The following PIKFYVE variants were observed in gnomAD, a reference collection of about 807,000 sequenced individuals.
PIKFYVE encodes the protein phosphoinositide kinase, FYVE-type zinc finger containing.
A neutral mutation model predicts 257.9 loss-of-function variants in PIKFYVE; 122 were observed. That is an observed-to-expected ratio of 0.47 (90% CI 0.41 to 0.55). The LOEUF (loss-of-function observed/expected upper bound fraction) is 0.55. PIKFYVE is among the 20% of genes least tolerant of loss of function. PIKFYVE has a pLI of 0.00. For synonymous variants in PIKFYVE, 892 were observed against 868.9 expected (o/e 1.03, Z -0.47); for missense variants, 2,160 against 2,536.6 (o/e 0.85, Z 3.19).
rs1559373796 is a variant in PIKFYVE, at chr2:208,266,390, C to G, written c.-35C>G. The stretch of plus-strand genomic sequence containing the variant: ...AGCGGAGGCTGGGGCGGGGGGCAGC[C>G]GGCGCGGCCGGGGCAGGAGGCGCAG... On this transcript the variant is annotated 5_prime_UTR_variant, in exon 1 of 42. Coordinates refer to ENST00000264380, the MANE Select transcript of PIKFYVE (RefSeq NM_015040.4). 6.6e-6 allele frequency: 1 copy of G among 152,272 alleles called. No individual in the cohort carries two copies. Among genetic ancestry groups the G allele is most frequent in the East Asian group, 1.9e-4 (1 of 5,206 alleles). 9.4% of individuals were successfully genotyped at this position (152,272 alleles called of 1,614,324 possible).
chr2:208,321,798 T>G (rs1696276023), intron 17 of PIKFYVE, among the ~76,000 whole-genome samples: 1 of 152,146 alleles, frequency 6.6e-6, no homozygotes, highest in Non-Finnish European at 1.5e-5. Context: ...CAGGCTGGTC[T>G]TGAGCTCCAG....
chr2:208,331,084 T>G (rs771114522), intron 23 of PIKFYVE, among the ~76,000 whole-genome samples: 24 of 152,158 alleles, frequency 1.6e-4, no homozygotes, highest in Non-Finnish European at 2.8e-4. Context: ...GAGACAGACT[T>G]GTAAAGCAAT....
At chr2:208,295,273 A>G (rs558269205) in intron 7 of PIKFYVE, among the ~76,000 whole-genome samples, 15 of 152,192 alleles carry the variant, frequency 9.9e-5, no homozygotes, top group African/African-American at 2.7e-4. Context: ...AGAAAGTTCT[A>G]TTTTTTACTT....
At chr2:208,335,217 A>G in intron 24 of PIKFYVE, 89 bp from the exon 25 acceptor site, 1 of 881,392 alleles carries the variant, frequency 1.1e-6, no homozygotes, top group Non-Finnish European at 1.9e-6. Context: ...CTTATGCCTC[A>G]TAGAATATAG....
intron 3 of PIKFYVE, among the ~76,000 whole-genome samples, chr2:208,275,333 C>T (rs547574598): frequency 1.2e-4 from 18 of 152,332 alleles, no homozygotes; most frequent in Middle Eastern, 3.4e-3. Flanking sequence ...CCTTTTTCAG[C>T]GGATGATGCT....
At position 208,288,765 on chromosome 2, in the gene PIKFYVE, A is replaced by G. The variant is rs1275118371; in HGVS notation, c.858A>G (p.Ser286=). The G allele has an allele frequency of 1.2e-6, 2 of 1,614,008 alleles. No individual in the cohort carries two copies. Among genetic ancestry groups the G allele is most frequent in the African/African-American group, 1.3e-5 (1 of 75,030 alleles). ...IHPDSSNTPL[S]TRLVSVQEDA... ...CAGATTCCTCAAATACTCCTCTTTC[A>G]ACAAGACTTGTATCTGTGCAAGAGG... The change falls in exon 7 of 42, where the codon TCA becomes TCG. Residue 286 remains serine, a synonymous_variant. Transcript: ENST00000264380.
In PIKFYVE at chr2:208,324,273, T is replaced by C. The variant is rs1696653117; in HGVS notation, c.2322T>C (p.Asn774=). 3.1e-6 allele frequency: 5 copies of C among 1,613,966 alleles called. No homozygotes were observed. Among genetic ancestry groups the C allele is most frequent in the Non-Finnish European group, 4.2e-6 (5 of 1,179,850 alleles). Residue 774 remains asparagine (N), a synonymous_variant, in exon 18 of 42, where the codon AAT becomes AAC. Transcript: ENST00000264380. ...AACATGGCATTACTTTGGTCATTAA[T>C]GTAAAGTCAGTGAGTGTTTTTAATT... The part of the protein sequence containing the change: ...LLEHGITLVI[N]VKSQVLERIS...
At chr2:208,314,041 T>G (rs1489277442) in intron 13 of PIKFYVE, among the ~76,000 whole-genome samples, 3 of 152,238 alleles carry the variant, frequency 2.0e-5, no homozygotes, top group Non-Finnish European at 4.4e-5. Flanking sequence ...CTGTTTCTGA[T>G]TTTGGCTGTT....
At chr2:208,330,772 T>A in intron 23 of PIKFYVE, 78 bp downstream of exon 23, 1 of 704,992 alleles carries the variant, frequency 1.4e-6, no homozygotes, top group Non-Finnish European at 2.3e-6. Context: ...CTGAGGAGGT[T>A]TCCTATATGG....
At chr2:208,335,441 A>T (rs1015557950) in intron 25 of PIKFYVE, 22 bp downstream of exon 25, 10 of 1,481,052 alleles carry the variant, frequency 6.8e-6, no homozygotes, top group Non-Finnish European at 9.4e-6. Flanking sequence ...TTCTTTTATC[A>T]TCTTTTTTTG....
chr2:208,266,931 G>A (rs1688715869), intron 1 of PIKFYVE, among the ~76,000 whole-genome samples: 1 of 152,192 alleles, frequency 6.6e-6, no homozygotes, highest in African/African-American at 2.4e-5. Context: ...TTCTTGAGGA[G>A]GAGCATTATT....
chr2:208,349,980 A>G, intron 35 of PIKFYVE, 44 bp from the exon 36 acceptor site: 2 of 1,608,206 alleles, frequency 1.2e-6, no homozygotes, highest in Non-Finnish European at 8.5e-7. Context: ...TGAACTGATA[A>G]TTACTCAAAA....
At chr2:208,294,768 A>G (rs1429544650) in intron 7 of PIKFYVE, among the ~76,000 whole-genome samples, 2 of 152,198 alleles carry the variant, frequency 1.3e-5, no homozygotes, top group Non-Finnish European at 2.9e-5. Context: ...AAGCTCTGAT[A>G]TAACTCCAGC....
At chr2:208,300,738 AAGTT>A (rs1397756646) in intron 8 of PIKFYVE, among the ~76,000 whole-genome samples, 195 bp from the exon 9 acceptor site, 17 of 152,182 alleles carry the variant, frequency 1.1e-4, no homozygotes, top group Non-Finnish European at 2.1e-4. Flanking sequence ...TCAAGAGAAA[AAGTT>A]ATGTTTGGAA....
chr2:208,334,659 A>G (rs181510853), intron 24 of PIKFYVE, among the ~76,000 whole-genome samples: 11 of 152,226 alleles, frequency 7.2e-5, no homozygotes, highest in African/African-American at 1.2e-4. Flanking sequence ...TTCTCTTGCT[A>G]TATTTTTCTC....
intron 2 of PIKFYVE, among the ~76,000 whole-genome samples, chr2:208,271,962 T>A (rs1339278313): frequency 6.6e-6 from 1 of 152,218 alleles, no homozygotes; most frequent in Non-Finnish European, 1.5e-5. Context: ...AGGCCAGGCG[T>A]GATGCCTCAC....
At chr2:208,291,591 C>T in intron 7 of PIKFYVE, among the ~76,000 whole-genome samples, 1 of 152,118 alleles carries the variant, frequency 6.6e-6, no homozygotes, top group East Asian at 1.9e-4. Flanking sequence ...CCAGTGAATG[C>T]ATCTGGGCCT....
At chr2:208,335,189 T>C in intron 24 of PIKFYVE, 117 bp from the exon 25 acceptor site, 1 of 741,726 alleles carries the variant, frequency 1.3e-6, no homozygotes, top group Non-Finnish European at 2.3e-6. Context: ...AAAATACGAT[T>C]TTATAGAAAC....
intron 15 of PIKFYVE, among the ~76,000 whole-genome samples, chr2:208,316,145 G>A (rs966052491): frequency 4.0e-5 from 6 of 149,874 alleles, no homozygotes; most frequent in African/African-American, 7.4e-5. Context: ...TTGTCCTTGC[G>A]ATAGTTTACT....
Sources: allele counts gnomAD v4.1 joint callset (sites outside exome capture counted in the v4.1 genomes callset), GRCh38; gene constraint gnomAD v4.1.1; transcripts MANE v1.5; gene names NCBI Gene and HGNC (gene_info 2026-07-23, HGNC 2026-07-21).